The following KIF20B variants were observed in gnomAD, a reference collection of about 807,000 sequenced individuals.
The protein encoded by KIF20B is kinesin-like protein KIF20B.
Under a neutral mutation model 232.5 loss-of-function variants are expected in KIF20B, and 188 were observed. The ratio of observed to expected loss-of-function variants is 0.81; its 90% confidence interval spans 0.72 to 0.91. The LOEUF is 0.91. KIF20B is among the 40% of genes least tolerant of loss of function. The pLI is 0.00. For synonymous variants in KIF20B, 712 were observed against 683.0 expected (o/e 1.04, Z -0.66); for missense variants, 2,154 against 2,055.9 (o/e 1.05, Z -0.92).
rs199846111 is a variant in KIF20B at position 89,714,114 on chromosome 10, G to A, written c.712+31G>A. ...GTTTCGTTGCTCACTTATCTTTGAT[G>A]TATCGATTATATGAAGTACACTTGA... On this transcript the variant is annotated intron_variant, in intron 7 of 32. Coordinates refer to ENST00000371728, the MANE Select transcript of KIF20B (RefSeq NM_001284259.2). 2,545 of 1,263,430 alleles carry A rather than the reference G, an allele frequency of 2.0e-3. 6 individuals are homozygous for A. Among genetic ancestry groups the A allele is most frequent in the Non-Finnish European group, 2.5e-3 (2,314 of 918,248 alleles). 78.3% of individuals were successfully genotyped at this position (1,263,430 alleles called of 1,614,324 possible). A position where few individuals can be genotyped will look rare whatever the true frequency, so the allele number is the denominator to read the frequency against.
Position 89,711,147 on chromosome 10 carries a change from T to A in KIF20B, c.675+2T>A, listed in dbSNP as rs1278339149. The A allele has an allele frequency of 3.3e-6, 5 of 1,515,126 alleles. No individual in the cohort carries two copies. The South Asian group carries it at 6.5e-5, about 20-fold the overall frequency. 93.9% of individuals were successfully genotyped at this position (1,515,126 alleles called of 1,614,324 possible). ...GCATTGCTTCGGCAAATTAAAGAGG[T>A]ATGGAAATATTTTAGTATGTAAAAT... On this transcript the variant is annotated splice_donor_variant, in intron 6 of 32. Coordinates refer to ENST00000371728, the MANE Select transcript of KIF20B (RefSeq NM_001284259.2). LOFTEE classifies it high-confidence loss of function.
intron 13 of KIF20B, among the ~76,000 whole-genome samples, chr10:89,721,687 C>A (rs1484827157): frequency 6.6e-6 from 1 of 150,926 alleles, no homozygotes; most frequent in Non-Finnish European, 1.5e-5. Context: ...AAGAAACAAA[C>A]CAAAAAACCC....
At chr10:89,762,959 A>T (rs1564675348) in intron 29 of KIF20B, 124 bp downstream of exon 29, 1 of 674,882 alleles carries the variant, frequency 1.5e-6, no homozygotes, top group Non-Finnish European at 2.5e-6. Context: ...CCAAAATCAC[A>T]ATTTATGCTA....
chr10:89,711,175 G>A, intron 6 of KIF20B, 30 bp downstream of exon 6: 3 of 1,346,286 alleles, frequency 2.2e-6, no homozygotes, highest in Non-Finnish European at 3.0e-6. Flanking sequence ...TGTAAAATAT[G>A]TATAATTCCT....
At chr10:89,718,681 A>G (rs1181894174) in intron 11 of KIF20B, 29 bp from the exon 12 acceptor site, 1 of 1,569,608 alleles carries the variant, frequency 6.4e-7, no homozygotes, top group Admixed American at 1.8e-5. Flanking sequence ...TTTTTAACTT[A>G]CAATGTTTTC....
At chr10:89,728,994 G>A (rs2133113693) in intron 17 of KIF20B, 134 bp from the exon 18 acceptor site, 1 of 764,396 alleles carries the variant, frequency 1.3e-6, no homozygotes, top group Non-Finnish European at 1.8e-6. Context: ...TGTGCATAGT[G>A]TGTTGCCACT....
intron 16 of KIF20B, among the ~76,000 whole-genome samples, chr10:89,727,339 C>T (rs1471419402): frequency 1.3e-5 from 2 of 150,478 alleles, no homozygotes; most frequent in Non-Finnish European, 3.0e-5. Flanking sequence ...CTGCAGTTTT[C>T]CACCTCCTGG....
At chr10:89,745,395 C>T (rs1841887396) in intron 22 of KIF20B, among the ~76,000 whole-genome samples, 1 of 152,004 alleles carries the variant, frequency 6.6e-6, no homozygotes, top group Admixed American at 6.6e-5. Flanking sequence ...TGGTGGCACA[C>T]GCCTATAATC....
At chr10:89,730,418 A>G (rs1317833725) in intron 18 of KIF20B, among the ~76,000 whole-genome samples, 1 of 152,214 alleles carries the variant, frequency 6.6e-6, no homozygotes, top group Non-Finnish European at 1.5e-5. Context: ...GAAAAAAACA[A>G]CATAAATATA....
Position 89,738,984 on chromosome 10 carries a change from C to T in KIF20B, c.3803C>T (p.Ser1268Phe). Residue 1268 changes from serine to phenylalanine, a missense_variant, in exon 21 of 33, where the codon TCT becomes TTT. Coordinates refer to ENST00000371728, the MANE Select transcript of KIF20B (RefSeq NM_001284259.2). ...TTGAAAGAGGAACTCTCTGCAAGCTCTGCTCGTACCCAGAATCTGAAAGCA... is the reference window on the plus strand; with the variant it reads ...TTGAAAGAGGAACTCTCTGCAAGCTTTGCTCGTACCCAGAATCTGAAAGCA... ...EKLKEELSAS[S>F]ARTQNLKADL... The T allele has an allele frequency of 2.5e-6, 4 of 1,612,942 alleles. No individual in the cohort carries two copies. Among genetic ancestry groups the T allele is most frequent in the South Asian group, 1.1e-5 (1 of 90,894 alleles).
rs557705901 is a variant in KIF20B at position 89,716,384 on chromosome 10, A to G, written c.941-52A>G. 22 of 780,694 alleles carry G rather than the reference A, an allele frequency of 2.8e-5. No individual in the cohort carries two copies. In the African/African-American group the frequency reaches 3.0e-4, roughly 11 times the overall value. 48.4% of individuals were successfully genotyped at this position (780,694 alleles called of 1,614,324 possible). ...GACTTTCAAAGAGATTACATTGTAG[A>G]ACACATTCTTTGTCTCAATAAATTA... is the stretch of plus-strand genomic sequence containing the variant. On this transcript the variant is annotated intron_variant, in intron 8 of 32. Coordinates refer to ENST00000371728, the MANE Select transcript of KIF20B (RefSeq NM_001284259.2).
chr10:89,742,900 A>G (rs573461248), intron 21 of KIF20B, among the ~76,000 whole-genome samples: 10 of 152,062 alleles, frequency 6.6e-5, no homozygotes, highest in African/African-American at 2.2e-4. Flanking sequence ...ATGGGGTTTC[A>G]CTGTGTTAGC....
At chr10:89,705,988 A>G (rs1157225912) in intron 2 of KIF20B, among the ~76,000 whole-genome samples, 1 of 152,174 alleles carries the variant, frequency 6.6e-6, no homozygotes, top group African/African-American at 2.4e-5. Context: ...TTGAACATTC[A>G]TGTGCAAGCC....
chr10:89,762,671 T>A lies in KIF20B; in HGVS notation c.4825T>A (p.Ser1609Thr). 1 of 1,613,586 alleles carries A rather than the reference T, an allele frequency of 6.2e-7. No individual in the cohort carries two copies. The highest frequency in any genetic ancestry group is 8.5e-7 in the Non-Finnish European group (1 of 1,179,696). ...TGTAGTCCTTGACTCTTGTGAAGTG[T>A]CAACAGAAAATGATCAAAGCACTCG... ...GSVVLDSCEV[S>T]TENDQSTRFP... Residue 1609 changes from serine to threonine, a missense_variant, in exon 29 of 33, where the codon TCA becomes ACA. By Grantham distance (58) the Ser-to-Thr change is moderately conservative (BLOSUM62 1). Coordinates refer to ENST00000371728, the MANE Select transcript of KIF20B (RefSeq NM_001284259.2).
intron 18 of KIF20B, among the ~76,000 whole-genome samples, chr10:89,731,383 T>C (rs914341208): frequency 4.6e-5 from 7 of 152,220 alleles, no homozygotes; most frequent in African/African-American, 1.7e-4. Flanking sequence ...GATCTTGTTT[T>C]ATCAACTAAC....
chr10:89,727,995 G>T (rs1843226931), intron 17 of KIF20B, 99 bp downstream of exon 17: 5 of 1,085,608 alleles, frequency 4.6e-6, no homozygotes, highest in Non-Finnish European at 5.1e-6. Flanking sequence ...TAATTAAACA[G>T]TAATATAGTC....
chr10:89,730,006 A>G (rs1285705471), intron 18 of KIF20B, among the ~76,000 whole-genome samples: 1 of 152,156 alleles, frequency 6.6e-6, no homozygotes, highest in Non-Finnish European at 1.5e-5. Flanking sequence ...CAGGCGTGGT[A>G]TCTTATAAAA....
intron 23 of KIF20B, among the ~76,000 whole-genome samples, chr10:89,747,749 G>A (rs1404156500): frequency 1.3e-5 from 2 of 151,486 alleles, no homozygotes; most frequent in African/African-American, 2.4e-5. Context: ...GGTGGGGGGA[G>A]TGGGGAGGGA....
intron 19 of KIF20B, among the ~76,000 whole-genome samples, chr10:89,736,035 G>T (rs1841644697): frequency 6.6e-6 from 1 of 152,198 alleles, no homozygotes; most frequent in African/African-American, 2.4e-5. Context: ...GTGAGGGAGT[G>T]AATGGCGGTC....
Sources: allele counts gnomAD v4.1 joint callset (sites outside exome capture counted in the v4.1 genomes callset), GRCh38; gene constraint gnomAD v4.1.1; transcripts MANE v1.5; gene names NCBI Gene and HGNC (gene_info 2026-07-23, HGNC 2026-07-21).